The following SYNPR variants were observed in gnomAD, a reference collection of about 807,000 sequenced individuals.
SYNPR encodes synaptoporin.
A neutral mutation model predicts 32.9 loss-of-function variants in SYNPR; 23 were observed. The ratio of observed to expected loss-of-function variants is 0.70; its 90% CI spans 0.50 to 0.99. The LOEUF (loss-of-function observed/expected upper bound fraction) is 0.99, where lower values mean the gene tolerates loss of function less well. Ranked by LOEUF, SYNPR falls within the 50% of genes least tolerant of loss-of-function variation. The probability of loss-of-function intolerance (pLI) is 0.00; values close to 1 mark genes in which losing one functional copy is unlikely to be tolerated. For synonymous variants in SYNPR, 146 were observed against 135.9 expected, an observed-to-expected ratio of 1.07 and a Z score of -0.52; for missense variants, 318 against 349.3, an observed-to-expected ratio of 0.91 and a Z score of 0.71.
At chr3:63,475,656 A>G (rs1165640018) in intron 2 of SYNPR, among the ~76,000 whole-genome samples, 1 of 152,068 alleles carries the variant, frequency 6.6e-6, no homozygotes. Context: ...AGTATTACAG[A>G]GTCATCCTCA....
chr3:63,491,305 G>A (rs1454830915), intron 3 of SYNPR, among the ~76,000 whole-genome samples: 1 of 152,064 alleles, frequency 6.6e-6, no homozygotes, highest in Non-Finnish European at 1.5e-5. Flanking sequence ...ATTACAAAAA[G>A]TTAATGTAGA....
intron 2 of SYNPR, among the ~76,000 whole-genome samples, chr3:63,348,739 T>C (rs1363222868): frequency 2.0e-5 from 3 of 152,246 alleles, no homozygotes; most frequent in Non-Finnish European, 4.4e-5. Flanking sequence ...TTTATTCTTC[T>C]GCATGTGGTA....
intron 2 of SYNPR, among the ~76,000 whole-genome samples, chr3:63,373,149 T>A (rs1450900773): frequency 6.6e-6 from 1 of 152,122 alleles, no homozygotes; most frequent in East Asian, 1.9e-4. Context: ...GCAATAACTC[T>A]GGCAGCTCAA....
chr3:63,528,580 A>G (rs936110735), intron 3 of SYNPR, among the ~76,000 whole-genome samples: 3 of 152,176 alleles, frequency 2.0e-5, no homozygotes. Flanking sequence ...GTGTTGTTTG[A>G]GTCAGGGTTT....
intron 2 of SYNPR, among the ~76,000 whole-genome samples, chr3:63,281,549 C>T (rs2086630475): frequency 6.6e-6 from 1 of 152,152 alleles, no homozygotes; most frequent in African/African-American, 2.4e-5. Context: ...CTTTCTGGTT[C>T]ACAGATGGAG....
chr3:63,551,567 CATCCTTACCA>C (rs1290678822), intron 3 of SYNPR, among the ~76,000 whole-genome samples: 1 of 152,220 alleles, frequency 6.6e-6, no homozygotes, highest in African/African-American at 2.4e-5. Flanking sequence ...AATTTCTCTG[CATCCTTACCA>C]ACACTTATAA....
At chr3:63,326,252 C>T (rs979243126) in intron 2 of SYNPR, among the ~76,000 whole-genome samples, 1 of 151,962 alleles carries the variant, frequency 6.6e-6, no homozygotes, top group Non-Finnish European at 1.5e-5. Flanking sequence ...AAGTCAATGG[C>T]AGTGTAGGAG....
chr3:63,374,018 G>A lies in SYNPR; in HGVS notation c.84+95276G>A, dbSNP rs377720894. On this transcript the variant is annotated intron_variant, in intron 2 of 5. Transcript: ENST00000478300. ...TGAAGGAGGAATCAGATCCTTTTCCGATAAGCAAATGCTGAGGGAATTTGT... is the reference window on the plus strand; with the variant it reads ...TGAAGGAGGAATCAGATCCTTTTCCAATAAGCAAATGCTGAGGGAATTTGT... Among the ~76,000 whole-genome samples, 61 of 152,238 alleles carry A rather than the reference G, an allele frequency of 4.0e-4. 2 individuals carry two copies. The South Asian group carries it at 0.01, about 26-fold the overall frequency.
intron 4 of SYNPR, among the ~76,000 whole-genome samples, chr3:63,561,234 G>A (rs541107015): frequency 5.3e-5 from 8 of 152,224 alleles, no homozygotes; most frequent in Admixed American, 4.6e-4. Flanking sequence ...TGACAAGGAC[G>A]ATAATAACAA....
At chr3:63,402,741 C>T (rs974942893) in intron 2 of SYNPR, among the ~76,000 whole-genome samples, 3 of 152,180 alleles carry the variant, frequency 2.0e-5, no homozygotes, top group East Asian at 1.9e-4. Context: ...GAACTCTTTT[C>T]GTTTACTGCT....
At chr3:63,443,578 T>A (rs529745223) in intron 2 of SYNPR, 1 of 1,241,944 alleles carries the variant, frequency 8.1e-7, no homozygotes, top group Non-Finnish European at 1.1e-6. Context: ...CAAGTATCAG[T>A]TTTTAAGTCT....
At chr3:63,288,863 G>C (rs1422950202) in intron 2 of SYNPR, among the ~76,000 whole-genome samples, 2 of 152,172 alleles carry the variant, frequency 1.3e-5, no homozygotes, top group Admixed American at 1.3e-4. Context: ...AGAGGAATTT[G>C]TTGATGAGCA....
At chr3:63,411,135 A>T (rs567901130) in intron 2 of SYNPR, among the ~76,000 whole-genome samples, 31 of 152,316 alleles carry the variant, frequency 2.0e-4, no homozygotes, top group African/African-American at 6.7e-4. Context: ...ACTGAATCAG[A>T]AAAGTTTCAA....
chr3:63,359,403 T>G (rs2087628200), intron 2 of SYNPR, among the ~76,000 whole-genome samples: 1 of 152,118 alleles, frequency 6.6e-6, no homozygotes, highest in South Asian at 2.1e-4. Flanking sequence ...TAACCAAGAG[T>G]TGAGTTGTTT....
chr3:63,280,653 T>G (rs762450916), intron 2 of SYNPR, among the ~76,000 whole-genome samples: 1 of 152,240 alleles, frequency 6.6e-6, no homozygotes, highest in Non-Finnish European at 1.5e-5. Context: ...TCCACTAGAT[T>G]TTTATTCATT....
rs192163545 is a variant in SYNPR at position 63,360,597 on chromosome 3, G to A, written c.84+81855G>A. On this transcript the variant is annotated intron_variant, in intron 2 of 5. Transcript: ENST00000478300. ...CTAGCTACATCTCCAAACTCCTTAC[G>A]TAGCATTCCACCCCTTGCTTGGCAC... Among the ~76,000 whole-genome samples the A allele has an allele frequency of 1.4e-4, 22 of 152,132 alleles. 1 individual carries two copies. The Middle Eastern group carries it at 0.01, about 71-fold the overall frequency.
chr3:63,238,673 A>G (rs898736247), intron 1 of SYNPR, among the ~76,000 whole-genome samples: 14 of 152,186 alleles, frequency 9.2e-5, no homozygotes, highest in Admixed American at 7.2e-4. Flanking sequence ...AAGAGATCTG[A>G]CATTCATTCA....
chr3:63,398,362 A>G (rs9812148), intron 2 of SYNPR, among the ~76,000 whole-genome samples: 2,667 of 152,264 alleles, frequency 0.018, 75 homozygotes, highest in African/African-American at 0.061. Flanking sequence ...ATGAAGAGAT[A>G]TGCACTCTTT....
chr3:63,211,423 A>G, the SYNPR span, among the ~76,000 whole-genome samples: 2 of 152,204 alleles, frequency 1.3e-5, no homozygotes, highest in African/African-American at 4.8e-5. Context: ...CCATGGCACA[A>G]GAGCAAGGAG....
Sources: gnomAD v4.1 joint callset for allele counts (sites outside exome capture counted in the v4.1 genomes callset) on GRCh38, gnomAD v4.1.1 for gene constraint, MANE v1.5 for transcripts, NCBI Gene and HGNC (gene_info 2026-07-23, HGNC 2026-07-21) for gene names.